The following FHIT variants were observed in gnomAD, a reference collection of about 807,000 sequenced individuals.
FHIT encodes the protein bis(5'-adenosyl)-triphosphatase.
Under a neutral mutation model 17.9 loss-of-function variants are expected in FHIT, and 19 were observed. The ratio of observed to expected loss-of-function variants is 1.06; its 90% CI spans 0.74 to 1.56. FHIT has a LOEUF of 1.56. FHIT is among the 40% of genes most tolerant of loss of function. The pLI, the probability that FHIT is intolerant of heterozygous loss-of-function variation, is 0.00. For missense variants in FHIT, 248 were observed against 189.2 expected (o/e 1.31, Z -1.82); for synonymous variants, 81 against 69.7 (o/e 1.16, Z -0.81).
rs551547527 is a variant in FHIT at position 60,615,131 on chromosome 3, G to A, written c.-17-78152C>T. On this transcript the variant is annotated intron_variant, in intron 4 of 9. Coordinates refer to ENST00000492590, the MANE Select transcript of FHIT (RefSeq NM_002012.4). ...TAAAAATTTCTTATATCAAATGACC[G>A]TTCTTGAATTGTTACCTTGGATTAA... 5.9e-5 allele frequency among the ~76,000 whole-genome samples: 9 copies of A among 152,180 alleles called. No homozygotes were observed. The South Asian group carries it at 6.2e-4, about 11-fold the overall frequency.
chr3:60,625,063 C>T lies in FHIT; in HGVS notation c.-17-88084G>A, dbSNP rs111378476. On this transcript the variant is annotated intron_variant, in intron 4 of 9. Transcript: ENST00000492590. ...ATCTGGGACTACAGGCACATGCCAC[C>T]ATGCCTGGCAAATTTTTGTATTTTT... Among the ~76,000 whole-genome samples the T allele has an allele frequency of 4.5e-3, 685 of 152,254 alleles. 4 individuals are homozygous for T. Among genetic ancestry groups the T allele is most frequent in the African/African-American group, 0.016 (658 of 41,548 alleles).
intron 8 of FHIT, among the ~76,000 whole-genome samples, chr3:59,857,436 T>C (rs1388040857): frequency 1.3e-5 from 2 of 152,154 alleles, no homozygotes; most frequent in East Asian, 1.9e-4. Flanking sequence ...CATATAAGAT[T>C]TATGATAATT....
intron 5 of FHIT, among the ~76,000 whole-genome samples, chr3:60,389,636 C>A (rs1028116965): frequency 6.6e-6 from 1 of 152,140 alleles, no homozygotes; most frequent in Non-Finnish European, 1.5e-5. Flanking sequence ...CCTGTAAGAG[C>A]AAATTAATTA....
At chr3:59,750,098 A>G (rs1700809550) in intron 9 of FHIT, 1 of 226,330 alleles carries the variant, frequency 4.4e-6, no homozygotes, top group South Asian at 1.8e-4. Context: ...AAGATGTACA[A>G]GGGAAGTCAA....
chr3:60,729,412 G>GA (rs1553710560), intron 4 of FHIT, among the ~76,000 whole-genome samples: 1 of 152,122 alleles, frequency 6.6e-6, no homozygotes, highest in Non-Finnish European at 1.5e-5. Context: ...ATTTTAAGTG[G>GA]AGGTGACTGA....
At chr3:60,648,437 G>A (rs1434130851) in intron 4 of FHIT, among the ~76,000 whole-genome samples, 2 of 152,058 alleles carry the variant, frequency 1.3e-5, no homozygotes. Flanking sequence ...AATTGTGCGT[G>A]GTACTTTATC....
intron 3 of FHIT, among the ~76,000 whole-genome samples, chr3:60,983,055 A>G (rs1237629333): frequency 2.0e-5 from 3 of 151,670 alleles, no homozygotes; most frequent in Non-Finnish European, 2.9e-5. Context: ...CTTTTCAAGG[A>G]CTCCTTGCCT....
chr3:60,341,016 A>G (rs1169108101), intron 5 of FHIT, among the ~76,000 whole-genome samples: 1 of 152,082 alleles, frequency 6.6e-6, no homozygotes, highest in Non-Finnish European at 1.5e-5. Flanking sequence ...TAAATGAAAC[A>G]TGGATTAATA....
chr3:60,087,464 A>C (rs1703544709), intron 5 of FHIT, among the ~76,000 whole-genome samples: 1 of 152,140 alleles, frequency 6.6e-6, no homozygotes, highest in Non-Finnish European at 1.5e-5. Context: ...AAATTTTCCA[A>C]ACTTTTACAC....
At chr3:60,340,529 G>C (rs1242136169) in intron 5 of FHIT, among the ~76,000 whole-genome samples, 4 of 152,124 alleles carry the variant, frequency 2.6e-5, no homozygotes, top group Admixed American at 6.6e-5. Flanking sequence ...TTGAACTTCA[G>C]ACAAGTAACT....
intron 4 of FHIT, among the ~76,000 whole-genome samples, chr3:60,631,791 A>G (rs2039450485): frequency 6.6e-6 from 1 of 152,174 alleles, no homozygotes; most frequent in Non-Finnish European, 1.5e-5. Context: ...CTCTAGAACC[A>G]TCTTAATGCT....
chr3:60,911,063 T>C (rs1370576243), intron 3 of FHIT, among the ~76,000 whole-genome samples: 1 of 152,220 alleles, frequency 6.6e-6, no homozygotes, highest in Non-Finnish European at 1.5e-5. Context: ...TTTTTGACTT[T>C]CAGAGTATCT....
rs557809437 is a variant in FHIT, at chr3:60,711,026, A to G, written c.-18+110893T>C. Among the ~76,000 whole-genome samples the G allele has an allele frequency of 3.6e-3, 543 of 152,228 alleles. 3 individuals carry two copies. Among genetic ancestry groups the G allele is most frequent in the African/African-American group, 0.012 (517 of 41,566 alleles). Reference sequence around the variant, plus strand: ...GCAGCCTAACAGGGAGGCACCCCCCAGTAGGGGCAGACTGACACCTCACAC... The same window carrying G: ...GCAGCCTAACAGGGAGGCACCCCCCGGTAGGGGCAGACTGACACCTCACAC... On this transcript the variant is annotated intron_variant, in intron 4 of 9. Transcript: ENST00000492590.
chr3:60,443,058 G>A (rs1401890093), intron 5 of FHIT, among the ~76,000 whole-genome samples: 1 of 152,128 alleles, frequency 6.6e-6, no homozygotes, highest in African/African-American at 2.4e-5. Flanking sequence ...GTTCACTCAT[G>A]ATTTGGCTCT....
chr3:61,093,704 G>A (rs953519101), intron 2 of FHIT, among the ~76,000 whole-genome samples: 4 of 152,112 alleles, frequency 2.6e-5, no homozygotes, highest in African/African-American at 7.2e-5. Flanking sequence ...TTTGAACAAC[G>A]GGCATAATAT....
chr3:59,814,045 T>TACAC (rs144355020), intron 8 of FHIT, among the ~76,000 whole-genome samples: 65,324 of 146,716 alleles, frequency 0.45, 16,733 homozygotes, highest in Middle Eastern at 0.59. Flanking sequence ...AATTTACACA[T>TACAC]ACACACACAC....
At chr3:60,548,135 G>C (rs1193323962) in intron 4 of FHIT, among the ~76,000 whole-genome samples, 1 of 6,800 alleles carries the variant, frequency 1.5e-4, no homozygotes, top group Non-Finnish European at 2.5e-4. Flanking sequence ...GAGCACGAGA[G>C]AGAGAGAGCG....
intron 5 of FHIT, among the ~76,000 whole-genome samples, chr3:60,500,143 C>A (rs1275906709): frequency 1.3e-5 from 2 of 152,178 alleles, no homozygotes; most frequent in East Asian, 1.9e-4. Context: ...TAGAGCCAAA[C>A]CTGCCTGATA....
At chr3:60,907,517 T>C (rs1412006313) in intron 3 of FHIT, among the ~76,000 whole-genome samples, 1 of 152,226 alleles carries the variant, frequency 6.6e-6, no homozygotes, top group Non-Finnish European at 1.5e-5. Flanking sequence ...GGGACATTAA[T>C]GGAAACATTT....
Sources: allele counts gnomAD v4.1 joint callset (sites outside exome capture counted in the v4.1 genomes callset), GRCh38; gene constraint gnomAD v4.1.1; transcripts MANE v1.5; gene names NCBI Gene and HGNC (gene_info 2026-07-23, HGNC 2026-07-21).